Variants in USP15 observed in about 807,000 individuals in gnomAD.
USP15 encodes the protein ubiquitin specific peptidase 15.
A neutral mutation model predicts 127.1 loss-of-function variants in USP15; 18 were observed. That is an observed-to-expected ratio of 0.14 (90% CI 0.10 to 0.21). The LOEUF (loss-of-function observed/expected upper bound fraction) is 0.21. Among genes scored for constraint, USP15 ranks in the 10% least tolerant of loss-of-function variants. USP15 has a pLI of 1.00. For missense variants in USP15, 805 were observed against 1,159.9 expected, an observed-to-expected ratio of 0.69 and a Z score of 4.44; for synonymous variants, 364 against 393.7, an observed-to-expected ratio of 0.92 and a Z score of 0.89.
chr12:62,361,769 A>G (rs1256463268), intron 8 of USP15, among the ~76,000 whole-genome samples: 1 of 152,058 alleles, frequency 6.6e-6, no homozygotes, highest in East Asian at 1.9e-4. Flanking sequence ...CTTAAAATCA[A>G]GCAGCTCATT....
intron 21 of USP15, among the ~76,000 whole-genome samples, chr12:62,403,371 G>A (rs1234933508): frequency 6.6e-6 from 1 of 152,058 alleles, no homozygotes; most frequent in Non-Finnish European, 1.5e-5. Flanking sequence ...GGAGATCTGA[G>A]TAGTGTTGTC....
rs1363840571 is a variant in USP15 at position 62,407,401 on chromosome 12, G to A, written c.*3026G>A. 1 of 152,088 alleles carries A rather than the reference G, an allele frequency of 6.6e-6. No homozygotes were observed. The highest frequency in any genetic ancestry group is 1.5e-5 in the Non-Finnish European group (1 of 68,016). 9.4% of individuals were successfully genotyped at this position (152,088 alleles called of 1,614,324 possible). A position where few individuals can be genotyped will look rare whatever the true frequency, so the allele number is the denominator to read the frequency against. On this transcript the variant is annotated 3_prime_UTR_variant, in exon 22 of 22. Transcript: ENST00000280377. Reference sequence around the variant, plus strand: ...CTCAAATGAGATCATGTATTTTATGGGAAGAGCTTTGTAAACTTTATTACA... The same window carrying A: ...CTCAAATGAGATCATGTATTTTATGAGAAGAGCTTTGTAAACTTTATTACA...
At chr12:62,303,932 TTATC>T (rs1486418389) in intron 3 of USP15, among the ~76,000 whole-genome samples, 1 of 152,152 alleles carries the variant, frequency 6.6e-6, no homozygotes, top group Non-Finnish European at 1.5e-5. Context: ...TCTAGTTGCT[TTATC>T]TATAGTTGCT....
chr12:62,409,970 G>A lies in USP15; in HGVS notation c.*5595G>A, dbSNP rs1396590789. On this transcript the variant is annotated 3_prime_UTR_variant, in exon 22 of 22. Transcript: ENST00000280377. Reference sequence around the variant, plus strand: ...ATGTTAACAGACGTAACTCTTTAATGCTCCTCTGTTCATGATTAAGTATGC... The same window carrying A: ...ATGTTAACAGACGTAACTCTTTAATACTCCTCTGTTCATGATTAAGTATGC... 2 of 151,860 alleles carry A rather than the reference G, an allele frequency of 1.3e-5. No homozygotes were observed. The highest frequency in any genetic ancestry group is 4.8e-5 in the African/African-American group (2 of 41,348). The allele number at this position is 151,860 out of a possible 1,614,324, so 9.4% of individuals were successfully genotyped here. A position where few individuals can be genotyped will look rare whatever the true frequency, so the allele number is the denominator to read the frequency against.
chr12:62,395,368 T>C (rs955971749), intron 19 of USP15, among the ~76,000 whole-genome samples: 5 of 152,128 alleles, frequency 3.3e-5, no homozygotes, highest in African/African-American at 1.2e-4. Flanking sequence ...TTATTTTATT[T>C]TTTTATTTTT....
intron 18 of USP15, 108 bp downstream of exon 18, chr12:62,392,495 A>G (rs938799313): frequency 1.3e-6 from 1 of 775,646 alleles, no homozygotes; most frequent in Non-Finnish European, 2.0e-6. Context: ...TTGATGTTTT[A>G]AATAGTAAAG....
At chr12:62,298,833 A>G (rs1213691425) in intron 2 of USP15, among the ~76,000 whole-genome samples, 1 of 146,848 alleles carries the variant, frequency 6.8e-6, no homozygotes, top group Non-Finnish European at 1.5e-5. Context: ...TGTCTTGCAA[A>G]AAAAAAAAAA....
chr12:62,383,776 G>A (rs1046330957), intron 9 of USP15, 64 bp from the exon 10 acceptor site: 32 of 1,524,166 alleles, frequency 2.1e-5, no homozygotes, highest in East Asian at 9.0e-5. Context: ...AGAATCTATT[G>A]TACATATGTT....
Position 62,407,883 on chromosome 12 carries a change from ACCT to A in USP15, c.*3512_*3514del, listed in dbSNP as rs2067923262. 1 of 152,076 alleles carries A rather than the reference ACCT, an allele frequency of 6.6e-6. No individual in the cohort carries two copies. Among genetic ancestry groups the A allele is most frequent in the South Asian group, 2.1e-4 (1 of 4,820 alleles). 9.4% of individuals were successfully genotyped at this position (152,076 alleles called of 1,614,324 possible). A position where few individuals can be genotyped will look rare whatever the true frequency, so the allele number is the denominator to read the frequency against. ...CAGCCTTATAATTTAGTTTTAATTA[ACCT>A]CCTTGAAAAAGTTGCAGCCTGGTGC... On this transcript the variant is annotated 3_prime_UTR_variant, in exon 22 of 22. Coordinates refer to ENST00000280377, the MANE Select transcript of USP15 (RefSeq NM_001252078.2).
At chr12:62,313,770 A>C (rs2064749989) in intron 3 of USP15, among the ~76,000 whole-genome samples, 1 of 151,804 alleles carries the variant, frequency 6.6e-6, no homozygotes, top group South Asian at 2.1e-4. Context: ...AAGTATGATT[A>C]AGAAAATATA....
At chr12:62,287,356 A>T (rs2063818566) in intron 1 of USP15, among the ~76,000 whole-genome samples, 1 of 152,226 alleles carries the variant, frequency 6.6e-6, no homozygotes, top group Non-Finnish European at 1.5e-5. Flanking sequence ...AAACGAATTT[A>T]TGATATAAAA....
chr12:62,406,446 A>G lies in USP15; in HGVS notation c.*2071A>G, dbSNP rs543575762. ...TATATTTCCATTTTTCTGAAGATTT[A>G]AAGAAAAGTCAAAGCTAAATCTTTT... On this transcript the variant is annotated 3_prime_UTR_variant, in exon 22 of 22. Coordinates refer to ENST00000280377, the MANE Select transcript of USP15 (RefSeq NM_001252078.2). 41 of 152,198 alleles carry G rather than the reference A, an allele frequency of 2.7e-4. No homozygotes were observed. Among genetic ancestry groups the G allele is most frequent in the Non-Finnish European group, 4.9e-4 (33 of 68,018 alleles). 9.4% of individuals were successfully genotyped at this position (152,198 alleles called of 1,614,324 possible).
Position 62,405,512 on chromosome 12 carries a change from T to C in USP15, c.*1137T>C, listed in dbSNP as rs2067836441. ...GTATATAAAGCATAAACACCTTGAA[T>C]TTGATTTTAGTTCACCACATTCAAG... On this transcript the variant is annotated 3_prime_UTR_variant, in exon 22 of 22. Coordinates refer to ENST00000280377, the MANE Select transcript of USP15 (RefSeq NM_001252078.2). 6.6e-6 allele frequency: 1 copy of C among 152,586 alleles called. No individual in the cohort carries two copies. 9.5% of individuals were successfully genotyped at this position (152,586 alleles called of 1,614,324 possible). A position where few individuals can be genotyped will look rare whatever the true frequency, so the allele number is the denominator to read the frequency against.
chr12:62,269,385 A>G (rs1020581049), intron 1 of USP15, among the ~76,000 whole-genome samples: 28 of 151,760 alleles, frequency 1.8e-4, no homozygotes, highest in Non-Finnish European at 3.7e-4. Context: ...TATATATCTA[A>G]ACATAGAAAA....
chr12:62,381,696 C>A (rs776489795), intron 9 of USP15, 33 bp downstream of exon 9: 1 of 1,585,288 alleles, frequency 6.3e-7, no homozygotes. Context: ...AGCAAGGGTA[C>A]CTGCAAGGGT....
chr12:62,312,205 G>C (rs1021161329), intron 3 of USP15: 2 of 199,330 alleles, frequency 1.0e-5, no homozygotes, highest in Non-Finnish European at 2.2e-5. Context: ...AAGTCAGTCT[G>C]TTAGAGGCCT....
At chr12:62,359,776 T>C (rs912338036) in intron 8 of USP15, among the ~76,000 whole-genome samples, 10 of 152,136 alleles carry the variant, frequency 6.6e-5, no homozygotes, top group Middle Eastern at 3.2e-3. Flanking sequence ...AGGGATATAA[T>C]AGCATAGAAT....
At chr12:62,335,986 G>A (rs2065450458) in intron 6 of USP15, 3 of 985,008 alleles carry the variant, frequency 3.0e-6, no homozygotes, top group Non-Finnish European at 3.6e-6. Context: ...TTTGCAAATT[G>A]TGCACAGCTC....
Position 62,409,183 on chromosome 12 carries a change from A to G in USP15, c.*4808A>G, listed in dbSNP as rs904281260. ...ATACCCCACACGGTGCCATGGTTTA[A>G]TTATTCCCCAGCTCTACTTTTGGGA... On this transcript the variant is annotated 3_prime_UTR_variant, in exon 22 of 22. Transcript: ENST00000280377. 6.6e-6 allele frequency: 1 copy of G among 152,200 alleles called. No homozygotes were observed. Among genetic ancestry groups the G allele is most frequent in the East Asian group, 1.9e-4 (1 of 5,198 alleles). 9.4% of individuals were successfully genotyped at this position (152,200 alleles called of 1,614,324 possible). A position where few individuals can be genotyped will look rare whatever the true frequency, so the allele number is the denominator to read the frequency against.
Sources: gnomAD v4.1 joint callset for allele counts (sites outside exome capture counted in the v4.1 genomes callset) on GRCh38, gnomAD v4.1.1 for gene constraint, MANE v1.5 for transcripts, NCBI Gene and HGNC (gene_info 2026-07-23, HGNC 2026-07-21) for gene names.